Variants in TRPC3 observed in about 807,000 individuals in gnomAD.
TRPC3 encodes the protein transient receptor potential cation channel subfamily C member 3.
Under a neutral mutation model 90.9 loss-of-function variants are expected in TRPC3, and 54 were observed. The ratio of observed to expected loss-of-function variants is 0.59; its 90% CI spans 0.48 to 0.75. The LOEUF (loss-of-function observed/expected upper bound fraction) is 0.75, where lower values mean the gene tolerates loss of function less well. TRPC3 is among the 30% of genes least tolerant of loss of function. TRPC3 has a pLI of 0.00. For synonymous variants in TRPC3, 424 were observed against 450.9 expected (o/e 0.94, Z 0.75); for missense variants, 918 against 1,194.5 (o/e 0.77, Z 3.41).
Position 121,902,972 on chromosome 4 carries a change from A to G in TRPC3, c.2343T>C (p.Ser781=). ...DDGKTLPPPF[S]LVPSPKSFVY... The stretch of plus-strand genomic sequence containing the variant: ...CAAATGATTTTGGACTAGGAACTAG[A>G]CTGAAAGGTGGAGGTAATGTTTTTC... The change falls in exon 9 of 12, where the codon AGT becomes AGC. Residue 781 remains serine, a synonymous_variant. Coordinates refer to ENST00000379645, the MANE Select transcript of TRPC3 (RefSeq NM_001130698.2). 6.2e-7 allele frequency: 1 copy of G among 1,613,634 alleles called. No individual in the cohort carries two copies. Among genetic ancestry groups the G allele is most frequent in the Admixed American group, 1.7e-5 (1 of 59,934 alleles).
intron 10 of TRPC3, among the ~76,000 whole-genome samples, chr4:121,886,514 G>A (rs1289570966): frequency 6.6e-6 from 1 of 152,128 alleles, no homozygotes; most frequent in Non-Finnish European, 1.5e-5. Flanking sequence ...TTCTGTGATT[G>A]AGGGCCTGCT....
intron 7 of TRPC3, among the ~76,000 whole-genome samples, chr4:121,907,002 T>C (rs1335776009): frequency 6.6e-6 from 1 of 152,106 alleles, no homozygotes; most frequent in Non-Finnish European, 1.5e-5. Flanking sequence ...AAACTAATTT[T>C]AATGTTATAC....
chr4:121,916,372 A>G (rs1729318088), intron 3 of TRPC3, among the ~76,000 whole-genome samples: 1 of 152,238 alleles, frequency 6.6e-6, no homozygotes, highest in Non-Finnish European at 1.5e-5. Flanking sequence ...CTGCCTCCGC[A>G]TCACCATACA....
At chr4:121,915,031 A>T in intron 3 of TRPC3, 87 bp from the exon 4 acceptor site, 2 of 1,139,756 alleles carry the variant, frequency 1.8e-6, no homozygotes, top group Non-Finnish European at 2.4e-6. Context: ...ATACACATGC[A>T]TCCTAAAGAT....
At chr4:121,919,556 C>T (rs948879446) in intron 3 of TRPC3, among the ~76,000 whole-genome samples, 1 of 152,186 alleles carries the variant, frequency 6.6e-6, no homozygotes, top group South Asian at 2.1e-4. Flanking sequence ...CCACACAGTG[C>T]AGGACACAGG....
intron 10 of TRPC3, among the ~76,000 whole-genome samples, chr4:121,893,514 A>T (rs1052593658): frequency 3.3e-5 from 5 of 152,172 alleles, no homozygotes; most frequent in Non-Finnish European, 7.4e-5. Context: ...ATATGAATCA[A>T]ATATTTTCAG....
intron 1 of TRPC3, among the ~76,000 whole-genome samples, chr4:121,938,694 A>C (rs892913461): frequency 7.9e-5 from 12 of 152,256 alleles, no homozygotes; most frequent in Non-Finnish European, 1.3e-4. Flanking sequence ...CACAAATGGT[A>C]AAATAACGAA....
intron 1 of TRPC3, among the ~76,000 whole-genome samples, chr4:121,948,177 GAAA>G (rs5861549): frequency 1.4e-5 from 2 of 145,194 alleles, no homozygotes; most frequent in African/African-American, 5.1e-5. Flanking sequence ...CCTTTAAAAA[GAAA>G]AAAAAAAAAA....
chr4:121,943,268 C>T (rs1208017766), intron 1 of TRPC3, among the ~76,000 whole-genome samples: 6 of 151,794 alleles, frequency 4.0e-5, no homozygotes, highest in South Asian at 2.1e-4. Flanking sequence ...TGAAGTGATT[C>T]GTCTATAAAA....
intron 1 of TRPC3, chr4:121,950,966 G>A (rs1383732687): frequency 6.6e-6 from 1 of 152,560 alleles, no homozygotes; most frequent in Non-Finnish European, 1.5e-5. Flanking sequence ...ACGTCCCAGA[G>A]CGTCGGAGGG....
rs1254190992 is a variant in TRPC3 at position 121,951,038 on chromosome 4, G to C, written c.215+428C>G. On this transcript the variant is annotated intron_variant, in intron 1 of 11. Transcript: ENST00000379645. The surrounding 1 kb of genome is among the most constrained non-coding windows in gnomAD (Gnocchi z 4.4). ...AGGGTTCAAGTGCGCGCCTGGGTCT[G>C]TGCACATCTTCCCCTTCCTCGGCCT... Among the ~76,000 whole-genome samples the C allele has an allele frequency of 6.6e-6, 1 of 152,212 alleles. No homozygotes were observed. Among genetic ancestry groups the C allele is most frequent in the Non-Finnish European group, 1.5e-5 (1 of 68,034 alleles).
chr4:121,898,301 G>C (rs1195176883), intron 10 of TRPC3, among the ~76,000 whole-genome samples: 1 of 152,190 alleles, frequency 6.6e-6, no homozygotes, highest in Non-Finnish European at 1.5e-5. Flanking sequence ...TGGCCTGTCA[G>C]GAACCAGGCT....
Position 121,875,281 on chromosome 4 carries a change from A to G in TRPC3, c.*4455T>C, listed in dbSNP as rs1727732735. ...TTTAAAACAGTGAAATGAGGCTATG[A>G]TATAGCATCAAAACAATACAAAAAG... On this transcript the variant is annotated 3_prime_UTR_variant, in exon 12 of 12. Coordinates refer to ENST00000379645, the MANE Select transcript of TRPC3 (RefSeq NM_001130698.2). Among the ~76,000 whole-genome samples the G allele has an allele frequency of 6.6e-6, 1 of 152,226 alleles. No individual in the cohort carries two copies. The highest frequency in any genetic ancestry group is 1.5e-5 in the Non-Finnish European group (1 of 68,026).
chr4:121,901,591 G>A (rs557689277), intron 9 of TRPC3, among the ~76,000 whole-genome samples: 1 of 152,340 alleles, frequency 6.6e-6, no homozygotes, highest in East Asian at 1.9e-4. Context: ...GTACAGGAAA[G>A]CACTTTGTAA....
intron 1 of TRPC3, among the ~76,000 whole-genome samples, chr4:121,941,913 C>T (rs1186774346): frequency 6.6e-6 from 1 of 152,118 alleles, no homozygotes; most frequent in Non-Finnish European, 1.5e-5. Context: ...GGAAAGCTAG[C>T]CCATCACTTC....
At position 121,902,938 on chromosome 4, in the gene TRPC3, T is replaced by C. The variant is rs145430158; in HGVS notation, c.2377A>G (p.Ile793Val). ...VPSPKSFVYF[I>V]MRIVNFPKCR... ...TTGGGAAAGTTAACAATTCGCATGA[T>C]GAAATAAACAAATGATTTTGGACTA... Residue 793 changes from isoleucine to valine, a missense_variant, in exon 9 of 12, where the codon ATC (isoleucine) becomes GTC (valine). Around this residue, in one of 4 missense-constraint regions of TRPC3, gnomAD observed 121 missense variants for 135.7 expected, o/e 0.89. Coordinates refer to ENST00000379645, the MANE Select transcript of TRPC3 (RefSeq NM_001130698.2). 6.2e-7 allele frequency: 1 copy of C among 1,613,544 alleles called. No individual in the cohort carries two copies. Among genetic ancestry groups the C allele is most frequent in the Non-Finnish European group, 8.5e-7 (1 of 1,179,774 alleles).
rs142099764 is a variant in TRPC3, at chr4:121,887,665, G to T, written c.2548-5236C>A. ...CGAAGTCATCTGTGAAAGCAGATCT[G>T]CCAGCAAGAGACAACAGAGAGAATA... On this transcript the variant is annotated intron_variant, in intron 10 of 11. Coordinates refer to ENST00000379645, the MANE Select transcript of TRPC3 (RefSeq NM_001130698.2). Among the ~76,000 whole-genome samples the T allele has an allele frequency of 2.2e-3, 328 of 152,302 alleles. 3 individuals carry two copies. The highest frequency in any genetic ancestry group is 7.5e-3 in the African/African-American group (310 of 41,568).
intron 1 of TRPC3, among the ~76,000 whole-genome samples, chr4:121,943,141 G>A (rs1014452320): frequency 5.3e-5 from 8 of 151,908 alleles, no homozygotes; most frequent in Non-Finnish European, 1.0e-4. Flanking sequence ...CCAGATGCAC[G>A]CATAGTTAAA....
intron 6 of TRPC3, among the ~76,000 whole-genome samples, chr4:121,909,353 A>G (rs938292149): frequency 4.6e-5 from 7 of 152,138 alleles, no homozygotes; most frequent in Admixed American, 3.9e-4. Flanking sequence ...ATCACAGTTA[A>G]ACTCTGTGCC....
Sources: gnomAD v4.1 joint callset for allele counts (sites outside exome capture counted in the v4.1 genomes callset) on GRCh38, gnomAD v4.1.1 for gene constraint, gnomAD v4.1.1 regional missense constraint, Gnocchi (gnomAD v3.1) non-coding constraint, MANE v1.5 for transcripts, NCBI Gene and HGNC (gene_info 2026-07-23, HGNC 2026-07-21) for gene names.